TTLL8: variants seen among roughly 807,000 people sequenced by gnomAD.
TTLL8 encodes protein monoglycylase TTLL8.
In TTLL8, 65 loss-of-function variants were observed where a neutral mutation model predicts 77.8. The observed-to-expected ratio is 0.84, with a 90% CI of 0.68 to 1.03. The LOEUF (loss-of-function observed/expected upper bound fraction) is 1.03. Ranked by LOEUF, TTLL8 falls within the 50% of genes least tolerant of loss-of-function variation. The pLI is 0.00. For synonymous variants in TTLL8, 402 were observed against 422.8 expected (o/e 0.95, Z 0.60); for missense variants, 910 against 1,004.5 (o/e 0.91, Z 1.27).
At chr22:50,049,637 G>A (rs2061432779) in intron 2 of TTLL8, among the ~76,000 whole-genome samples, 1 of 152,202 alleles carries the variant, frequency 6.6e-6, no homozygotes, top group Non-Finnish European at 1.5e-5. Flanking sequence ...CCGGGATGGG[G>A]GTGGGAGTGA....
chr22:50,018,941 A>G (rs2061180535), intron 12 of TTLL8, among the ~76,000 whole-genome samples, 150 bp from the exon 14 acceptor site: 1 of 152,216 alleles, frequency 6.6e-6, no homozygotes, highest in African/African-American at 2.4e-5. Context: ...AAGGGCAAAG[A>G]GGAATGTATG....
At chr22:50,025,171 G>A (rs900197343) in intron 12 of TTLL8, among the ~76,000 whole-genome samples, 12 of 150,054 alleles carry the variant, frequency 8.0e-5, no homozygotes, top group Admixed American at 5.4e-4. Context: ...TACACTGAGC[G>A]ATTATTACAT....
At position 50,053,445 on chromosome 22, in the gene TTLL8, T is replaced by C. The variant is rs370013060; in HGVS notation, c.51+1131A>G. On this transcript the variant is annotated intron_variant, in intron 1 of 13. Coordinates refer to ENST00000266182, the Ensembl canonical transcript of TTLL8. Reference sequence around the variant, plus strand: ...TTAAGTAACATGAACTGTAAAATACTTTGAACTGAACATAGACAAACGTAC... The same window carrying C: ...TTAAGTAACATGAACTGTAAAATACCTTGAACTGAACATAGACAAACGTAC... Among the ~76,000 whole-genome samples, 53 of 152,324 alleles carry C rather than the reference T, an allele frequency of 3.5e-4. No homozygotes were observed. In the South Asian group the frequency reaches 0.011, roughly 31 times the overall value.
At chr22:50,035,281 G>C (rs763672215) in intron 8 of TTLL8, among the ~76,000 whole-genome samples, 3 of 152,206 alleles carry the variant, frequency 2.0e-5, no homozygotes, top group Admixed American at 2.0e-4. Context: ...GACGCCAGCC[G>C]TGACTCTCAC....
chr22:50,025,973 T>G (rs1392606752), intron 12 of TTLL8, among the ~76,000 whole-genome samples: 1 of 152,124 alleles, frequency 6.6e-6, no homozygotes, highest in Non-Finnish European at 1.5e-5. Flanking sequence ...ATGGGAAGTT[T>G]CTTCTAAAGC....
intron 5 of TTLL8, 23 bp downstream of exon 7, chr22:50,045,833 C>A (rs1360116091): frequency 3.0e-6 from 4 of 1,318,662 alleles, no homozygotes; most frequent in East Asian, 5.1e-5. Context: ...AGCACTGGGG[C>A]CCTCTGCCGT....
At chr22:50,055,435 C>A (rs2061465814), upstream of TTLL8, 1 of 733,100 alleles carries the variant, frequency 1.4e-6, no homozygotes, top group African/African-American at 1.9e-5. Context: ...GGTTGGATCA[C>A]CTGAGGCCAG....
intron 11 of TTLL8, 89 bp from the exon 13 acceptor site, chr22:50,031,014 G>T: frequency 8.7e-7 from 1 of 1,150,662 alleles, no homozygotes; most frequent in Non-Finnish European, 1.1e-6. Context: ...GGGGCTGGTC[G>T]GGGCACAGAC....
upstream of TTLL8, among the ~76,000 whole-genome samples, chr22:50,057,626 G>C (rs1601945564): frequency 4.7e-5 from 4 of 84,434 alleles, 1 homozygote; most frequent in Non-Finnish European, 2.3e-5. Flanking sequence ...CTGGGTTGGG[G>C]GTCAGGTCTG....
intron 1 of TTLL8, among the ~76,000 whole-genome samples, chr22:50,051,920 G>C (rs1162892579): frequency 6.6e-6 from 1 of 152,162 alleles, no homozygotes; most frequent in Non-Finnish European, 1.5e-5. Context: ...GCTCTGGCAG[G>C]AAGACATCTG....
In TTLL8 at chr22:50,020,803, ATGCACTCCTCCATCTGACG is replaced by A. The variant is rs1380651247; in HGVS notation, c.2204-4260_2204-4242del. 4.4e-5 allele frequency among the ~76,000 whole-genome samples: 5 copies of A among 112,636 alleles called. No individual in the cohort carries two copies. In the East Asian group the frequency reaches 9.5e-4, roughly 21 times the overall value. The allele number at this position is 112,636 out of a possible 152,430, so 73.9% of individuals were successfully genotyped here. A position where few individuals can be genotyped will look rare whatever the true frequency, so the allele number is the denominator to read the frequency against. ...GACGTGCACTCCGCCATCTGACAAC[ATGCACTCCTCCATCTGACG>A]TGCACTCCTCCATCTGACAACGTGC... On this transcript the variant is annotated intron_variant, in intron 12 of 13. Coordinates refer to ENST00000266182, the Ensembl canonical transcript of TTLL8.
At chr22:50,046,115 C>T in intron 4 of TTLL8, 145 bp from the exon 7 acceptor site, 1 of 631,532 alleles carries the variant, frequency 1.6e-6, no homozygotes, top group African/African-American at 1.9e-5. Context: ...CTCCCCCTCC[C>T]CAGATATACG....
At chr22:50,021,287 CACTCCTCCATCTGACGATGTGT>C (rs1291931577) in intron 12 of TTLL8, among the ~76,000 whole-genome samples, 8 of 145,598 alleles carry the variant, frequency 5.5e-5, no homozygotes, top group Non-Finnish European at 1.0e-4. Context: ...ATCTGATGTG[CACTCCTCCATCTGACGATGTGT>C]ACTCCTCCAT....
Position 50,028,616 on chromosome 22 carries a change from CTGAAGACCCCCACATACCCTCG to C in TTLL8, c.2203+1792_2203+1813del, listed in dbSNP as rs1305484022. On this transcript the variant is annotated intron_variant, in intron 12 of 13. Transcript: ENST00000266182. Reference sequence around the variant, plus strand: ...TCGTAAAGACCCCCATCACACCGTCCTGAAGACCCCCACATACCCTCGTAAAGACCCCATCACACCATCCTAA... The same window carrying C: ...TCGTAAAGACCCCCATCACACCGTCCTAAAGACCCCATCACACCATCCTAA... 6.5e-5 allele frequency among the ~76,000 whole-genome samples: 9 copies of C among 138,660 alleles called. No individual in the cohort carries two copies. In the East Asian group the frequency reaches 1.4e-3, roughly 21 times the overall value. 91.0% of individuals were successfully genotyped at this position (138,660 alleles called of 152,430 possible). A position where few individuals can be genotyped will look rare whatever the true frequency, so the allele number is the denominator to read the frequency against.
At chr22:50,024,573 A>G (rs1397602501) in intron 12 of TTLL8, among the ~76,000 whole-genome samples, 9 of 152,212 alleles carry the variant, frequency 5.9e-5, no homozygotes, top group Admixed American at 5.9e-4. Context: ...GGTCTTTTTG[A>G]TGATGGTGCT....
intron 6 of TTLL8, among the ~76,000 whole-genome samples, chr22:50,043,749 TCGA>T (rs2061390854): frequency 6.6e-6 from 1 of 152,040 alleles, no homozygotes; most frequent in African/African-American, 2.4e-5. Flanking sequence ...TATTACTAAG[TCGA>T]AGAAGCCCAT....
chr22:50,045,809 G>C, intron 5 of TTLL8, 47 bp downstream of exon 7: 1 of 1,294,988 alleles, frequency 7.7e-7, no homozygotes, highest in Non-Finnish European at 1.0e-6. Flanking sequence ...CTTTCTAGAA[G>C]CCTCTCTGCT....
chr22:50,051,407 A>C (rs1193863805), intron 1 of TTLL8, among the ~76,000 whole-genome samples: 1 of 152,234 alleles, frequency 6.6e-6, no homozygotes, highest in African/African-American at 2.4e-5. Context: ...TGGTGCAGAT[A>C]CACCACAGTT....
intron 6 of TTLL8, among the ~76,000 whole-genome samples, chr22:50,042,162 T>C (rs527440371): frequency 6.6e-6 from 1 of 152,222 alleles, no homozygotes; most frequent in African/African-American, 2.4e-5. Context: ...TTCATTAAAA[T>C]GAAAAACTTC....
Sources: gnomAD v4.1 joint callset for allele counts (sites outside exome capture counted in the v4.1 genomes callset) on GRCh38, gnomAD v4.1.1 for gene constraint, MANE v1.5 for transcripts, NCBI Gene and HGNC (gene_info 2026-07-23, HGNC 2026-07-21) for gene names.